The following ACSM3 variants were observed in gnomAD, a reference collection of about 807,000 sequenced individuals.
ACSM3 encodes the protein acyl-coenzyme A synthetase ACSM3, mitochondrial.
Under a neutral mutation model 74.1 loss-of-function variants are expected in ACSM3, and 61 were observed. That is an observed-to-expected ratio of 0.82 (90% CI 0.67 to 1.02). ACSM3 has a LOEUF of 1.02. Among genes scored for constraint, ACSM3 ranks in the 50% least tolerant of loss-of-function variants. The probability of loss-of-function intolerance (pLI) is 0.00; values close to 1 mark genes in which losing one functional copy is unlikely to be tolerated. For synonymous variants in ACSM3, 213 were observed against 241.5 expected, an observed-to-expected ratio of 0.88 and a Z score of 1.09; for missense variants, 660 against 697.0, an observed-to-expected ratio of 0.95 and a Z score of 0.60.
chr16:20,780,913 A>C, intron 5 of ACSM3, 56 bp downstream of exon 5: 1 of 1,613,094 alleles, frequency 6.2e-7, no homozygotes, highest in Non-Finnish European at 8.5e-7. Flanking sequence ...ATGATGACTT[A>C]TGTACTGGTC....
chr16:20,762,482 T>G (rs2080085789), upstream of ACSM3, among the ~76,000 whole-genome samples: 1 of 152,004 alleles, frequency 6.6e-6, no homozygotes, highest in African/African-American at 2.4e-5. Flanking sequence ...GGCTAAAAAT[T>G]TACTCCAAGA....
intron 3 of ACSM3, chr16:20,755,627 T>TTTATTATTATTATTATTATTA (rs71149182): frequency 1.1e-3 from 167 of 146,136 alleles, no homozygotes; most frequent in African/African-American, 4.0e-3. Context: ...GTAAGTGCTT[T>TTTATTATTATTATTATTATTA]TTATTATTAT....
chr16:20,701,515 A>G (rs11644530), intron 1 of ACSM3, among the ~76,000 whole-genome samples: 19,852 of 152,228 alleles, frequency 0.13, 1,385 homozygotes, highest in East Asian at 0.21. Flanking sequence ...CAGATAGACC[A>G]AACTGGAATC....
chr16:20,777,849 G>A (rs1017003389), intron 4 of ACSM3, among the ~76,000 whole-genome samples: 1 of 152,180 alleles, frequency 6.6e-6, no homozygotes, highest in Non-Finnish European at 1.5e-5. Flanking sequence ...TGAGGAATGA[G>A]TAAGAATGTC....
chr16:20,706,906 C>T (rs1305277810), intron 1 of ACSM3, among the ~76,000 whole-genome samples: 1 of 152,048 alleles, frequency 6.6e-6, no homozygotes, highest in African/African-American at 2.4e-5. Context: ...GATTTTAGTC[C>T]CCAGGCAGAT....
At chr16:20,737,981 A>G (rs1435221147) in intron 1 of ACSM3, 1 of 1,565,170 alleles carries the variant, frequency 6.4e-7, no homozygotes. Flanking sequence ...AAAGTTAAGA[A>G]GATAATTTCT....
chr16:20,736,926 C>T lies in ACSM3; in HGVS notation c.-189-12984C>T, dbSNP rs1269127884. ...TGACTTGGATCCTTCTGTGGCTTGA[C>T]TTGCAAGTTCAGGTTTGGCTCCTCC... On this transcript the variant is annotated intron_variant, in intron 1 of 3. Transcript: ENST00000561584. 16 of 1,614,020 alleles carry T rather than the reference C, an allele frequency of 9.9e-6. No homozygotes were observed. The highest frequency in any genetic ancestry group is 1.4e-5 in the Non-Finnish European group (16 of 1,180,024).
In ACSM3 at chr16:20,777,479, A is replaced by G. The variant is rs1180220206; in HGVS notation, c.537A>G (p.Pro179=). 1.2e-6 allele frequency: 2 copies of G among 1,614,120 alleles called. No individual in the cohort carries two copies. Among genetic ancestry groups the G allele is most frequent in the South Asian group, 2.2e-5 (2 of 91,082 alleles). Residue 179 remains proline (P), a synonymous_variant, in exon 4 of 14, where the codon CCA becomes CCG. Coordinates refer to ENST00000289416, the MANE Select transcript of ACSM3 (RefSeq NM_005622.4). ...NCIITNDVLA[P]AVDAVASKCE... ...TTATCACCAATGATGTTTTAGCCCC[A>G]GCAGTAGACGCTGTTGCATCCAAAT... is the stretch of plus-strand genomic sequence containing the variant.
At chr16:20,678,011 A>AAAATAAATAAATAAATAAAT (rs146714630) in intron 1 of ACSM3, among the ~76,000 whole-genome samples, 8,260 of 143,710 alleles carry the variant, frequency 0.057, 599 homozygotes, top group African/African-American at 0.15. Context: ...ACTAAAGGCT[A>AAAATAAATAAATAAATAAAT]AAATAAATAA....
At chr16:20,702,090 T>C (rs2079714349) in intron 1 of ACSM3, among the ~76,000 whole-genome samples, 1 of 152,254 alleles carries the variant, frequency 6.6e-6, no homozygotes, top group Admixed American at 6.5e-5. Flanking sequence ...ATAGTATTTC[T>C]GGTTCTAGGT....
intron 4 of ACSM3, 91 bp from the exon 5 acceptor site, chr16:20,780,623 G>A (rs755200190): frequency 6.2e-7 from 1 of 1,612,290 alleles, no homozygotes; most frequent in Middle Eastern, 1.7e-4. Flanking sequence ...GACATGAAGA[G>A]GTTCAAGTGG....
chr16:20,705,137 C>A (rs536753472), intron 1 of ACSM3, among the ~76,000 whole-genome samples: 1 of 152,248 alleles, frequency 6.6e-6, no homozygotes, highest in South Asian at 2.1e-4. Context: ...CTTTGGGAGG[C>A]CGAGGCGGGC....
chr16:20,731,684 T>C, intron 1 of ACSM3: 1 of 410,060 alleles, frequency 2.4e-6, no homozygotes, highest in Non-Finnish European at 4.4e-6. Context: ...AAATTAACTC[T>C]TGAGCTTCAG....
At chr16:20,713,209 T>C (rs939913405) in intron 1 of ACSM3, among the ~76,000 whole-genome samples, 5 of 152,146 alleles carry the variant, frequency 3.3e-5, no homozygotes, top group African/African-American at 9.7e-5. Flanking sequence ...TCAAATGTGA[T>C]AAAACATGAA....
chr16:20,716,475 G>C (rs1053762089), intron 1 of ACSM3, among the ~76,000 whole-genome samples: 5 of 152,154 alleles, frequency 3.3e-5, no homozygotes, highest in Non-Finnish European at 7.4e-5. Context: ...CCAGGGTTCA[G>C]GGCATAAAAC....
chr16:20,752,568 C>T (rs1248729509), intron 2 of ACSM3, among the ~76,000 whole-genome samples: 2 of 152,144 alleles, frequency 1.3e-5, no homozygotes, highest in African/African-American at 4.8e-5. Flanking sequence ...TCACTTATGT[C>T]GGAATCCTTC....
Position 20,770,226 on chromosome 16 carries a change from C to T in ACSM3, c.192C>T (p.Val64=), listed in dbSNP as rs777577943. The part of the protein sequence containing the change: ...IPEYFNFAKD[V]LDQWTDKEKA... ...AGTATTTCAACTTTGCTAAAGATGT[C>T]CTGGACCAATGGACTGATAAGGAAA... The change falls in exon 2 of 14, where the codon GTC becomes GTT. Residue 64 remains valine (V), a synonymous_variant. Coordinates refer to ENST00000289416, the MANE Select transcript of ACSM3 (RefSeq NM_005622.4). 6.8e-6 allele frequency: 11 copies of T among 1,613,972 alleles called. No individual in the cohort carries two copies. In the East Asian group the frequency reaches 2.5e-4, roughly 36 times the overall value.
At position 20,755,200 on chromosome 16, in the gene ACSM3, C is replaced by T. The variant is rs559557719; in HGVS notation, c.-95-373C>T. ...CCTACCTGGGCAGTGTCAAAGCCAG[C>T]TAAAATATAAAGTTTAAATAAGGTG... On this transcript the variant is annotated intron_variant, in intron 2 of 3. Transcript: ENST00000561584. 8.5e-5 allele frequency among the ~76,000 whole-genome samples: 13 copies of T among 152,216 alleles called. No homozygotes were observed. In the South Asian group the frequency reaches 2.7e-3, roughly 32 times the overall value.
chr16:20,678,813 C>T (rs2079372069), intron 1 of ACSM3, among the ~76,000 whole-genome samples: 1 of 152,194 alleles, frequency 6.6e-6, no homozygotes, highest in Admixed American at 6.5e-5. Context: ...TGTCAAGAAA[C>T]TCATCAAAGG....
Sources: allele counts gnomAD v4.1 joint callset (sites outside exome capture counted in the v4.1 genomes callset), GRCh38; gene constraint gnomAD v4.1.1; transcripts MANE v1.5; gene names NCBI Gene and HGNC (gene_info 2026-07-23, HGNC 2026-07-21).